The following PDE4B variants were observed in gnomAD, a reference collection of about 807,000 sequenced individuals.
The protein encoded by PDE4B is 3',5'-cyclic-AMP phosphodiesterase 4B.
In PDE4B, 20 loss-of-function variants were observed where a neutral mutation model predicts 82.2. The ratio of observed to expected loss-of-function variants is 0.24; its 90% CI spans 0.17 to 0.35. The LOEUF (loss-of-function observed/expected upper bound fraction) is 0.35. PDE4B is among the 10% of genes least tolerant of loss of function. The pLI is 1.00. For missense variants in PDE4B, 655 were observed against 907.2 expected, an observed-to-expected ratio of 0.72 and a Z score of 3.57; for synonymous variants, 320 against 318.9, an observed-to-expected ratio of 1.00 and a Z score of -0.04.
intron 3 of PDE4B, among the ~76,000 whole-genome samples, chr1:66,228,032 C>G (rs935229829): frequency 6.6e-6 from 1 of 152,246 alleles, no homozygotes; most frequent in Non-Finnish European, 1.5e-5. Flanking sequence ...CCCCCTCACT[C>G]ACTTTGCTCC....
intron 7 of PDE4B, chr1:66,332,150 A>G: frequency 9.6e-6 from 13 of 1,360,086 alleles, no homozygotes; most frequent in Middle Eastern, 2.7e-4. Flanking sequence ...AGGCAGAGAG[A>G]GTCTGAGAAA....
In PDE4B at chr1:66,363,511, C is replaced by G. The variant is rs146166974; in HGVS notation, c.1224C>G (p.Ser408Arg). ...ATTCTGACGTGGCATATCACAACAG[C>G]CTGCACGCTGCTGATGTAGCCCAGT... is the stretch of plus-strand genomic sequence containing the variant. ...HYHSDVAYHNSLHAADVAQST... is the reference protein window; with the variant it reads ...HYHSDVAYHNRLHAADVAQST... The change falls in exon 12 of 17, where the codon AGC (serine) becomes AGG (arginine). Residue 408 changes from serine to arginine, a missense_variant. Transcript: ENST00000341517. 59 of 1,613,672 alleles carry G rather than the reference C, an allele frequency of 3.7e-5. No individual in the cohort carries two copies. The Admixed American group carries it at 9.7e-4, about 26-fold the overall frequency.
intron 7 of PDE4B, among the ~76,000 whole-genome samples, chr1:66,286,535 GACAGCATGGC>G (rs1656690256): frequency 6.6e-6 from 1 of 152,126 alleles, no homozygotes; most frequent in Admixed American, 6.6e-5. Flanking sequence ...AAACAAACAA[GACAGCATGGC>G]AAACAGTGGT....
chr1:65,947,842 G>A (rs550572344), intron 3 of PDE4B, among the ~76,000 whole-genome samples: 79 of 151,712 alleles, frequency 5.2e-4, no homozygotes, highest in Non-Finnish European at 8.8e-4. Flanking sequence ...CTAGCCTCCA[G>A]AACTGTGAAA....
chr1:65,967,272 G>A (rs752931078), intron 3 of PDE4B, among the ~76,000 whole-genome samples: 9 of 152,042 alleles, frequency 5.9e-5, no homozygotes, highest in African/African-American at 1.4e-4. Context: ...CAGCCAACAC[G>A]CATATGAAAA....
chr1:66,338,785 G>A (rs1376915952), intron 8 of PDE4B, among the ~76,000 whole-genome samples: 5 of 152,238 alleles, frequency 3.3e-5, no homozygotes, highest in East Asian at 3.9e-4. Flanking sequence ...TTGGGAGGCC[G>A]AGGCGGGCGG....
chr1:66,176,744 T>C (rs924190604), intron 3 of PDE4B, among the ~76,000 whole-genome samples: 1 of 152,250 alleles, frequency 6.6e-6, no homozygotes, highest in East Asian at 1.9e-4. Context: ...CTTAAATATA[T>C]GAATTATTCA....
rs1040173704 is a variant in PDE4B at position 66,241,382 on chromosome 1, T to C, written c.282-6078T>C. Among the ~76,000 whole-genome samples, 5 of 152,370 alleles carry C rather than the reference T, an allele frequency of 3.3e-5. No homozygotes were observed. In the South Asian group the frequency reaches 6.2e-4, roughly 19 times the overall value. The stretch of plus-strand genomic sequence containing the variant: ...AACACATGTGCCTGTTAAACTTCTC[T>C]GTCTATAGGGATCAGATAGTACATT... On this transcript the variant is annotated intron_variant, in intron 3 of 16. Coordinates refer to ENST00000341517, the MANE Select transcript of PDE4B (RefSeq NM_002600.4).
At chr1:66,142,730 A>G (rs950939790) in intron 3 of PDE4B, among the ~76,000 whole-genome samples, 1 of 152,186 alleles carries the variant, frequency 6.6e-6, no homozygotes, top group Non-Finnish European at 1.5e-5. Context: ...AAGTGCCACA[A>G]TTATGTTCTC....
intron 3 of PDE4B, among the ~76,000 whole-genome samples, chr1:66,228,642 A>C (rs1168048418): frequency 1.3e-5 from 2 of 148,626 alleles, no homozygotes; most frequent in East Asian, 4.1e-4. Flanking sequence ...AAAAAAAAAA[A>C]ACATGCTATA....
intron 3 of PDE4B, among the ~76,000 whole-genome samples, chr1:65,948,673 C>G (rs766601504): frequency 2.6e-5 from 4 of 152,060 alleles, no homozygotes; most frequent in Non-Finnish European, 5.9e-5. Flanking sequence ...ATCCTTCAAT[C>G]CGATCAAGTT....
At chr1:66,027,407 G>C (rs147499128) in intron 3 of PDE4B, among the ~76,000 whole-genome samples, 1 of 152,222 alleles carries the variant, frequency 6.6e-6, no homozygotes, top group African/African-American at 2.4e-5. Flanking sequence ...TGGAAATTCT[G>C]GGACATACAA....
At chr1:65,913,506 C>G in intron 2 of PDE4B, 150 bp downstream of exon 2, 1 of 691,328 alleles carries the variant, frequency 1.4e-6, no homozygotes, top group Non-Finnish European at 2.6e-6. Flanking sequence ...CTGGACCTGA[C>G]GTTCTGTGAG....
At chr1:66,256,934 A>C (rs72924473) in intron 4 of PDE4B, among the ~76,000 whole-genome samples, 2,810 of 152,276 alleles carry the variant, frequency 0.018, 80 homozygotes, top group African/African-American at 0.062. Flanking sequence ...GTTTAAGTAG[A>C]TTTCTCAAAG....
At chr1:66,103,939 T>G (rs1645280446) in intron 3 of PDE4B, among the ~76,000 whole-genome samples, 2 of 152,038 alleles carry the variant, frequency 1.3e-5, no homozygotes, top group South Asian at 4.1e-4. Context: ...ATTATTTCTT[T>G]ATTTTATTAT....
chr1:65,905,790 C>T (rs547897358), intron 1 of PDE4B, among the ~76,000 whole-genome samples: 1 of 152,082 alleles, frequency 6.6e-6, no homozygotes, highest in South Asian at 2.1e-4. Context: ...TGATCTGTTG[C>T]ACTTCTCACA....
chr1:66,073,815 A>C (rs1274343800), intron 3 of PDE4B, among the ~76,000 whole-genome samples: 1 of 152,170 alleles, frequency 6.6e-6, no homozygotes, highest in Non-Finnish European at 1.5e-5. Flanking sequence ...CTCTAAGGAC[A>C]TTAACAAACA....
intron 3 of PDE4B, among the ~76,000 whole-genome samples, chr1:66,201,314 G>A (rs1570456194): frequency 1.3e-5 from 2 of 151,822 alleles, no homozygotes; most frequent in Admixed American, 1.3e-4. Context: ...TCTCTTTTTT[G>A]GTTGTGTCTC....
chr1:66,189,892 TGGA>T (rs1373931474), intron 3 of PDE4B, among the ~76,000 whole-genome samples: 1 of 152,232 alleles, frequency 6.6e-6, no homozygotes, highest in African/African-American at 2.4e-5. Flanking sequence ...TGCATTCCTT[TGGA>T]GGAGGAGAGG....
Sources: allele counts gnomAD v4.1 joint callset (sites outside exome capture counted in the v4.1 genomes callset), GRCh38; gene constraint gnomAD v4.1.1; transcripts MANE v1.5; gene names NCBI Gene and HGNC (gene_info 2026-07-23, HGNC 2026-07-21).